The following WWOX variants were observed in gnomAD, a reference collection of about 807,000 sequenced individuals.
WWOX encodes the protein WW domain containing oxidoreductase.
In WWOX, 69 loss-of-function variants were observed where a neutral mutation model predicts 46.2. The observed-to-expected ratio is 1.49, with a 90% confidence interval of 1.23 to 1.82. WWOX has a LOEUF of 1.82. WWOX is among the 40% of genes most tolerant of loss of function. The probability of loss-of-function intolerance (pLI) is 0.00; values close to 1 mark genes in which losing one functional copy is unlikely to be tolerated. For synonymous variants in WWOX, 359 were observed against 202.6 expected (o/e 1.77, Z -6.56); for missense variants, 919 against 542.6 (o/e 1.69, Z -6.89).
intron 8 of WWOX, among the ~76,000 whole-genome samples, chr16:79,186,180 A>G (rs1240420480): frequency 1.3e-5 from 2 of 152,140 alleles, no homozygotes. Flanking sequence ...GGTGGCTGAG[A>G]AGAGACATGA....
At chr16:78,582,814 C>T (rs1387422791) in intron 8 of WWOX, among the ~76,000 whole-genome samples, 2 of 152,118 alleles carry the variant, frequency 1.3e-5, no homozygotes, top group East Asian at 1.9e-4. Flanking sequence ...TTGCAAAATG[C>T]CCTGAAGACC....
Position 78,782,010 on chromosome 16 carries a change from G to A in WWOX, c.1056+349258G>A, listed in dbSNP as rs1010243847. 1.9e-4 allele frequency among the ~76,000 whole-genome samples: 29 copies of A among 152,168 alleles called. 1 individual carries two copies. On this transcript the variant is annotated intron_variant, in intron 8 of 8. Coordinates refer to ENST00000566780, the MANE Select transcript of WWOX (RefSeq NM_016373.4). ...CACAAGCAATTTGGTTCCAAAACCT[G>A]CCCTTTTAACCTCTACCAGATTTTG... is the stretch of plus-strand genomic sequence containing the variant.
intron 8 of WWOX, among the ~76,000 whole-genome samples, chr16:79,166,812 G>T (rs1344430601): frequency 1.3e-5 from 2 of 152,116 alleles, no homozygotes; most frequent in Non-Finnish European, 2.9e-5. Flanking sequence ...AGTAGGCCCT[G>T]AATAAAGACC....
intron 8 of WWOX, among the ~76,000 whole-genome samples, chr16:78,577,720 G>C (rs1418135996): frequency 6.6e-6 from 1 of 152,182 alleles, no homozygotes; most frequent in Non-Finnish European, 1.5e-5. Context: ...ACAGTGTGTT[G>C]ACACTCTATT....
At chr16:78,374,224 T>C (rs1235429544) in intron 5 of WWOX, among the ~76,000 whole-genome samples, 1 of 152,202 alleles carries the variant, frequency 6.6e-6, no homozygotes, top group Non-Finnish European at 1.5e-5. Context: ...TGTTTTCCTC[T>C]CTCCCTGTTA....
chr16:78,903,585 G>A (rs11150112), intron 8 of WWOX, among the ~76,000 whole-genome samples: 39,965 of 152,088 alleles, frequency 0.26, 5,998 homozygotes, highest in Non-Finnish European at 0.34. Flanking sequence ...TTACTTAGGC[G>A]TGGAAAGTTA....
intron 6 of WWOX, among the ~76,000 whole-genome samples, chr16:78,404,907 G>A (rs371414460): frequency 6.6e-6 from 1 of 152,202 alleles, no homozygotes; most frequent in African/African-American, 2.4e-5. Flanking sequence ...CAAGGAATGA[G>A]ACCTGCATGT....
chr16:78,359,355 A>G lies in WWOX; in HGVS notation c.517-27505A>G, dbSNP rs547189368. Among the ~76,000 whole-genome samples, 28 of 152,320 alleles carry G rather than the reference A, an allele frequency of 1.8e-4. No homozygotes were observed. In the South Asian group the frequency reaches 5.6e-3, roughly 30 times the overall value. ...CTCTAAAGCTCTCAGGCTAATTAGT[A>G]ATGTAGCATATACAAATTAAGTTTT... On this transcript the variant is annotated intron_variant, in intron 5 of 8. Coordinates refer to ENST00000566780, the MANE Select transcript of WWOX (RefSeq NM_016373.4).
intron 8 of WWOX, chr16:79,203,479 C>T (rs2051407573): frequency 6.6e-6 from 1 of 150,980 alleles, no homozygotes; most frequent in African/African-American, 2.4e-5. Context: ...TGATGTGGCC[C>T]CAGCGGAGAC....
intron 8 of WWOX, among the ~76,000 whole-genome samples, chr16:78,523,115 C>T (rs1453071943): frequency 2.0e-5 from 3 of 152,034 alleles, no homozygotes; most frequent in Admixed American, 6.5e-5. Context: ...AACACTGGTA[C>T]GAGAAGAAAT....
At chr16:78,356,586 G>A (rs2081297300) in intron 5 of WWOX, among the ~76,000 whole-genome samples, 1 of 152,090 alleles carries the variant, frequency 6.6e-6, no homozygotes, top group African/African-American at 2.4e-5. Context: ...ACTATCACAT[G>A]GAAACAAAAG....
intron 8 of WWOX, among the ~76,000 whole-genome samples, chr16:79,148,489 G>T (rs1279011793): frequency 6.6e-6 from 1 of 152,090 alleles, no homozygotes; most frequent in Non-Finnish European, 1.5e-5. Context: ...CCTCATGTCA[G>T]GTAGAGTGAT....
At chr16:78,329,884 C>G (rs1334694634) in intron 5 of WWOX, among the ~76,000 whole-genome samples, 1 of 151,856 alleles carries the variant, frequency 6.6e-6, no homozygotes, top group African/African-American at 2.4e-5. Flanking sequence ...GTAGCTGGGA[C>G]TACAGGCGTG....
chr16:78,696,492 G>T (rs543000389), intron 8 of WWOX, among the ~76,000 whole-genome samples: 1 of 151,892 alleles, frequency 6.6e-6, no homozygotes, highest in African/African-American at 2.4e-5. Flanking sequence ...TTTCACCTGG[G>T]CTAGTAATAC....
At chr16:79,138,394 A>C (rs76937835) in intron 8 of WWOX, among the ~76,000 whole-genome samples, 1 of 152,186 alleles carries the variant, frequency 6.6e-6, no homozygotes, top group East Asian at 1.9e-4. Context: ...TGCCTTCCCC[A>C]TTTGACTTAG....
chr16:78,356,829 C>T (rs2081304762), intron 5 of WWOX, among the ~76,000 whole-genome samples: 2 of 152,098 alleles, frequency 1.3e-5, no homozygotes, highest in Admixed American at 1.3e-4. Flanking sequence ...TTGAAGTGAG[C>T]TGAGATGGCA....
rs1390886307 is a variant in WWOX at position 78,642,087 on chromosome 16, A to G, written c.1056+209335A>G. Among the ~76,000 whole-genome samples, 6 of 152,344 alleles carry G rather than the reference A, an allele frequency of 3.9e-5. No homozygotes were observed. In the South Asian group the frequency reaches 1.0e-3, roughly 26 times the overall value. ...TACATTGAGTGTGACATGCCTGTGT[A>G]GGAGACTGTCTGTCCCCCAAATAAT... On this transcript the variant is annotated intron_variant, in intron 8 of 8. Transcript: ENST00000566780.
In WWOX at chr16:79,187,967, C is replaced by A. The variant is rs79457880; in HGVS notation, c.1057-23641C>A. 1.7e-3 allele frequency among the ~76,000 whole-genome samples: 262 copies of A among 152,346 alleles called. 2 individuals carry two copies. The highest frequency in any genetic ancestry group is 5.6e-3 in the African/African-American group (233 of 41,576). On this transcript the variant is annotated intron_variant, in intron 8 of 8. Transcript: ENST00000566780. ...CGATTGATAATGTTCCCTCTTATCT[C>A]GAAATGTCCACTCTCTCTCCCATGC...
intron 5 of WWOX, among the ~76,000 whole-genome samples, chr16:78,321,328 G>GTATATATATACGTA (rs1168246317): frequency 1.5e-5 from 1 of 66,304 alleles, no homozygotes; most frequent in Non-Finnish European, 2.6e-5. Flanking sequence ...ATATATATAC[G>GTATATATATACGTA]TATATATGCG....
Sources: gnomAD v4.1 joint callset for allele counts (sites outside exome capture counted in the v4.1 genomes callset) on GRCh38, gnomAD v4.1.1 for gene constraint, MANE v1.5 for transcripts, NCBI Gene and HGNC (gene_info 2026-07-23, HGNC 2026-07-21) for gene names.